TTC6: variants seen among roughly 807,000 people sequenced by gnomAD.
TTC6 encodes the protein tetratricopeptide repeat domain 6.
TTC6 carries 172 observed loss-of-function variants against 210.4 expected under a neutral mutation model. That is an observed-to-expected ratio of 0.82 (90% CI 0.72 to 0.93). The LOEUF (loss-of-function observed/expected upper bound fraction) is 0.93. Among genes scored for constraint, TTC6 ranks in the 40% least tolerant of loss-of-function variants. The pLI is 0.00. For missense variants in TTC6, 2,414 were observed against 2,318.1 expected (o/e 1.04, Z -0.85); for synonymous variants, 804 against 819.6 (o/e 0.98, Z 0.32).
At chr14:37,795,425 C>T (rs778655529) in intron 18 of TTC6, 73 bp downstream of exon 20, 39 of 955,232 alleles carry the variant, frequency 4.1e-5, no homozygotes, top group Non-Finnish European at 5.6e-5. Flanking sequence ...TCTTCAGTTC[C>T]CTCTTGAACC....
In TTC6 at chr14:37,598,401, G is replaced by A. The variant is rs1465043646; in HGVS notation, c.-235+2393G>A. Among the ~76,000 whole-genome samples the A allele has an allele frequency of 1.3e-5, 2 of 152,218 alleles. No homozygotes were observed. Among genetic ancestry groups the A allele is most frequent in the Non-Finnish European group, 2.9e-5 (2 of 68,034 alleles). On this transcript the variant is annotated intron_variant, in intron 1 of 2. Coordinates refer to the TTC6 transcript ENST00000556845. The surrounding 1 kb of genome is among the most constrained non-coding windows in gnomAD (Gnocchi z 4.9). ...GGGATCCGCGGCAGTGAGGACTGTA[G>A]GGTGCGCGGGTACTCCGGGTAGCCG... is the stretch of plus-strand genomic sequence containing the variant.
intron 14 of TTC6, among the ~76,000 whole-genome samples, chr14:37,783,825 T>G (rs982627289): frequency 5.3e-5 from 8 of 152,222 alleles, no homozygotes; most frequent in East Asian, 1.9e-4. Flanking sequence ...ATTCTGGGAT[T>G]TTGTGTCTTT....
chr14:37,787,399 G>T (rs2096070282), intron 14 of TTC6, 69 bp from the exon 17 acceptor site: 1 of 1,072,692 alleles, frequency 9.3e-7, no homozygotes, highest in African/African-American at 1.6e-5. Context: ...AAAATTAGTT[G>T]TACAGGTTTA....
At chr14:37,651,406 TATATATATATATATATA>T (rs2095711339) in intron 1 of TTC6, among the ~76,000 whole-genome samples, 1 of 18,534 alleles carries the variant, frequency 5.4e-5, no homozygotes, top group African/African-American at 2.8e-4. Flanking sequence ...TATATATATA[TATATATATATATATATA>T]TATTTTTTTT....
chr14:37,833,204 G>A (rs889939257), intron 29 of TTC6, among the ~76,000 whole-genome samples: 1 of 152,086 alleles, frequency 6.6e-6, no homozygotes, highest in Non-Finnish European at 1.5e-5. Flanking sequence ...TGCTGAGTGA[G>A]GTGTTGAAGT....
intron 1 of TTC6, among the ~76,000 whole-genome samples, chr14:37,632,504 G>T (rs571598942): frequency 1.3e-5 from 2 of 152,308 alleles, no homozygotes; most frequent in East Asian, 3.9e-4. Flanking sequence ...TGTCTCAGAG[G>T]TGCACCTGCC....
At chr14:37,770,312 A>G (rs1595231547) in intron 14 of TTC6, among the ~76,000 whole-genome samples, 1 of 152,268 alleles carries the variant, frequency 6.6e-6, no homozygotes, top group East Asian at 1.9e-4. Flanking sequence ...GTAGATGTCT[A>G]TTAGGTCTGC....
chr14:37,787,568 T>C (rs1362936476), exon 15 of TTC6: 2 of 1,529,804 alleles, frequency 1.3e-6, no homozygotes, highest in Non-Finnish European at 1.8e-6. Context: ...CTGGTTAGCG[T>C]TGTATTATCG....
At chr14:37,704,587 T>C (rs1456701890) in intron 5 of TTC6, among the ~76,000 whole-genome samples, 5 of 152,104 alleles carry the variant, frequency 3.3e-5, no homozygotes, top group African/African-American at 1.2e-4. Flanking sequence ...TTTATCTCTT[T>C]TGTATTGTTT....
chr14:37,748,509 C>G (rs1439672335), intron 10 of TTC6, among the ~76,000 whole-genome samples: 1 of 152,130 alleles, frequency 6.6e-6, no homozygotes, highest in Non-Finnish European at 1.5e-5. Context: ...CTGGGATGTT[C>G]AGTTGATAGT....
intron 10 of TTC6, among the ~76,000 whole-genome samples, chr14:37,746,937 C>A (rs1370384646): frequency 6.6e-6 from 1 of 152,122 alleles, no homozygotes; most frequent in East Asian, 1.9e-4. Flanking sequence ...ATGTTAACAT[C>A]CCATATTTCA....
At chr14:37,678,562 T>C (rs1382525863) in intron 1 of TTC6, among the ~76,000 whole-genome samples, 1 of 152,206 alleles carries the variant, frequency 6.6e-6, no homozygotes, top group East Asian at 1.9e-4. Flanking sequence ...TCCTCTCATC[T>C]GATTTCTGTC....
Position 37,842,283 on chromosome 14 carries a change from G to A in TTC6, c.5653G>A (p.Val1885Ile), listed in dbSNP as rs760649480. 1.9e-6 allele frequency: 3 copies of A among 1,600,794 alleles called. No homozygotes were observed. The South Asian group carries it at 3.4e-5, about 18-fold the overall frequency. Residue 1885 changes from valine to isoleucine, a missense_variant, in exon 31 of 31, where the codon GTT becomes ATT. Physicochemically the swap from Val to Ile is conservative, Grantham distance 29. Transcript: ENST00000553443. ...ACTTGATCTTGAAGACTATGCCTCA[G>A]TTATATGATTACATAGACTGTGGTT...
At chr14:37,751,054 GGCATATTTGTCAAAA>G in exon 13 of TTC6, 1 of 1,514,884 alleles carries the variant, frequency 6.6e-7, no homozygotes, top group Non-Finnish European at 8.8e-7. Context: ...TTTCTTTAGA[GGCATATTTGTCAAAA>G]GCAGAAATTT....
rs1221443784 is a variant in TTC6 at position 37,737,775 on chromosome 14, T to C, written c.1983+41T>C. 4 of 1,118,418 alleles carry C rather than the reference T, an allele frequency of 3.6e-6. No individual in the cohort carries two copies. In the Admixed American group the frequency reaches 8.7e-5, roughly 24 times the overall value. 69.3% of individuals were successfully genotyped at this position (1,118,418 alleles called of 1,614,324 possible). A position where few individuals can be genotyped will look rare whatever the true frequency, so the allele number is the denominator to read the frequency against. On this transcript the variant is annotated intron_variant, in intron 9 of 30. Coordinates refer to ENST00000553443, the Ensembl canonical transcript of TTC6. ...AGTTTTTACTCTCTAAAAGAAACAT[T>C]TATATTCCTAGGAATAATAATCACC...
In TTC6 at chr14:37,598,171, C is replaced by G. The variant is rs2095608139; in HGVS notation, c.-235+2163C>G. Among the ~76,000 whole-genome samples, 1 of 152,214 alleles carries G rather than the reference C, an allele frequency of 6.6e-6. No homozygotes were observed. Among genetic ancestry groups the G allele is most frequent in the Non-Finnish European group, 1.5e-5 (1 of 68,038 alleles). ...GGCACCTACACCATTGGAAACTGTG[C>G]TTTGCAAGGATTGTGCTGCTCGTTG... On this transcript the variant is annotated intron_variant, in intron 1 of 2. Transcript: ENST00000556845. This position sits in a 1 kb window ranked among gnomAD's most constrained non-coding sequence, Gnocchi z 4.9.
intron 3 of TTC6, among the ~76,000 whole-genome samples, chr14:37,684,836 A>G (rs2095790761): frequency 6.6e-6 from 1 of 152,214 alleles, no homozygotes; most frequent in Non-Finnish European, 1.5e-5. Context: ...AAGCCTGGCC[A>G]GGTTGAGGAT....
chr14:37,774,232 T>G (rs182853241), intron 14 of TTC6, among the ~76,000 whole-genome samples: 13 of 152,282 alleles, frequency 8.5e-5, no homozygotes, highest in Middle Eastern at 3.4e-3. Flanking sequence ...CTTCTTCTCA[T>G]CCTATTTGGA....
At chr14:37,758,932 C>T (rs1003691436) in intron 14 of TTC6, among the ~76,000 whole-genome samples, 1 of 152,048 alleles carries the variant, frequency 6.6e-6, no homozygotes, top group Non-Finnish European at 1.5e-5. Flanking sequence ...TTCTATTTCT[C>T]CTTCACTTAT....
Sources: allele counts gnomAD v4.1 joint callset (sites outside exome capture counted in the v4.1 genomes callset), GRCh38; gene constraint gnomAD v4.1.1; non-coding constraint Gnocchi (gnomAD v3.1); transcripts MANE v1.5; gene names NCBI Gene and HGNC (gene_info 2026-07-23, HGNC 2026-07-21).